The following AMOTL2 variants were observed in gnomAD, a reference collection of about 807,000 sequenced individuals.
The protein encoded by AMOTL2 is angiomotin like 2, also known as angiomotin-like protein 2.
Under a neutral mutation model 78.4 loss-of-function variants are expected in AMOTL2, and 33 were observed. The ratio of observed to expected loss-of-function variants is 0.42; its 90% confidence interval spans 0.32 to 0.56. AMOTL2 has a LOEUF of 0.56. AMOTL2 is among the 20% of genes least tolerant of loss of function. The probability of loss-of-function intolerance (pLI) is 0.12; values close to 1 mark genes in which losing one functional copy is unlikely to be tolerated. For missense variants in AMOTL2, 983 were observed against 1,030.1 expected, an observed-to-expected ratio of 0.95 and a Z score of 0.63; for synonymous variants, 422 against 428.8, an observed-to-expected ratio of 0.98 and a Z score of 0.20.
intron 5 of AMOTL2, among the ~76,000 whole-genome samples, chr3:134,364,157 C>T (rs2017499232): frequency 1.3e-5 from 2 of 152,120 alleles, no homozygotes; most frequent in Admixed American, 6.5e-5. Context: ...CTCACCCTCC[C>T]TCCTCCCAAA....
At chr3:134,363,439 C>A (rs2017460811) in intron 5 of AMOTL2, among the ~76,000 whole-genome samples, 1 of 152,242 alleles carries the variant, frequency 6.6e-6, no homozygotes, top group African/African-American at 2.4e-5. Context: ...CTCCCCTAGT[C>A]CACCTGTGCG....
chr3:134,371,410 C>T lies in AMOTL2; in HGVS notation c.24G>A (p.Ser8=), dbSNP rs772176756. The change falls in exon 2 of 10, where the codon TCG becomes TCA. Residue 8 remains serine (S), a synonymous_variant. Transcript: ENST00000249883. ...GGATGAGGCGGTGCAGGACTGTCCC[C>T]GAGGAGTCTTCCAGTGTCCTCATGC... MRTLEDS[S]GTVLHRLIQE... 6.2e-6 allele frequency: 10 copies of T among 1,604,616 alleles called. No individual in the cohort carries two copies. Among genetic ancestry groups the T allele is most frequent in the East Asian group, 4.5e-5 (2 of 44,870 alleles).
intron 2 of AMOTL2, 182 bp from the exon 3 acceptor site, chr3:134,367,985 G>C: frequency 1.8e-6 from 1 of 541,390 alleles, no homozygotes. Flanking sequence ...GCAGGGACCA[G>C]TAGGGAAGGC....
At chr3:134,358,422 C>A (rs2017169431) in intron 9 of AMOTL2, 118 bp downstream of exon 9, 2 of 1,261,128 alleles carry the variant, frequency 1.6e-6, no homozygotes, top group Non-Finnish European at 2.1e-6. Context: ...CACGGCTCCC[C>A]ATGGAGTGCG....
intron 4 of AMOTL2, 135 bp from the exon 5 acceptor site, chr3:134,366,044 A>G (rs1054910555): frequency 2.7e-6 from 3 of 1,094,070 alleles, no homozygotes; most frequent in African/African-American, 3.1e-5. Flanking sequence ...AGCTCAGCTC[A>G]GGGCCCCATG....
Position 134,371,456 on chromosome 3 carries a change from T to C in AMOTL2, c.-23A>G. 1.9e-6 allele frequency: 3 copies of C among 1,595,304 alleles called. No individual in the cohort carries two copies. Among genetic ancestry groups the C allele is most frequent in the Non-Finnish European group, 2.6e-6 (3 of 1,176,314 alleles). On this transcript the variant is annotated 5_prime_UTR_variant, in exon 2 of 10. Transcript: ENST00000249883. Reference sequence around the variant, plus strand: ...CATGCTTCTTTGGCTTGCACACAGCTGCCTGGACAATGGCCGGTGGCACCT... The same window carrying C: ...CATGCTTCTTTGGCTTGCACACAGCCGCCTGGACAATGGCCGGTGGCACCT...
At chr3:134,374,901 C>CTGTGTGTGTGTG (rs749884597), upstream of AMOTL2, 6 of 1,170,138 alleles carry the variant, frequency 5.1e-6, no homozygotes, top group African/African-American at 3.6e-5. Context: ...GGGACTCCGG[C>CTGTGTGTGTGTG]TGTGTGTGTG....
intron 2 of AMOTL2, among the ~76,000 whole-genome samples, chr3:134,370,043 TCAAACTCTAAGTCCCTAC>T (rs1441367389): frequency 3.3e-5 from 5 of 152,136 alleles, no homozygotes; most frequent in African/African-American, 4.8e-5. Context: ...ACACTCAGAA[TCAAACTCTAAGTCCCTAC>T]CATGGCCCAG....
At chr3:134,359,574 T>C (rs981126762) in intron 7 of AMOTL2, 71 bp from the exon 8 acceptor site, 58 of 1,334,818 alleles carry the variant, frequency 4.3e-5, no homozygotes, top group Non-Finnish European at 5.5e-5. Context: ...TCCTGCCTCA[T>C]AGGAGTTAGA....
At chr3:134,364,434 T>G (rs2017521524) in intron 5 of AMOTL2, among the ~76,000 whole-genome samples, 2 of 151,922 alleles carry the variant, frequency 1.3e-5, no homozygotes, top group South Asian at 4.2e-4. Flanking sequence ...AGAGTCAGGC[T>G]CCAGAAGTCC....
intron 1 of AMOTL2, chr3:134,373,648 C>T: frequency 1.0e-6 from 1 of 985,494 alleles, no homozygotes; most frequent in Non-Finnish European, 1.2e-6. Context: ...TCTGGCACCC[C>T]AGCCAGGGCT....
Position 134,364,366 on chromosome 3 carries a change from C to T in AMOTL2, c.1279+1451G>A, listed in dbSNP as rs566700261. Among the ~76,000 whole-genome samples, 6 of 152,202 alleles carry T rather than the reference C, an allele frequency of 3.9e-5. No homozygotes were observed. In the East Asian group the frequency reaches 7.8e-4, roughly 20 times the overall value. On this transcript the variant is annotated intron_variant, in intron 5 of 9. Transcript: ENST00000249883. ...CGGAAACGCCTCCCGGCCGGCCCCC[C>T]TCTTCTCACCCACTAGCAAGCTCCC...
rs2303635 is a variant in AMOTL2, at chr3:134,367,514, C to A, written c.1024G>T (p.Ala342Ser). The A allele has an allele frequency of 1.1e-5, 17 of 1,612,262 alleles. No individual in the cohort carries two copies. Among genetic ancestry groups the A allele is most frequent in the South Asian group, 2.2e-5 (2 of 90,966 alleles). The part of the protein sequence containing the change: ...QRELESSAEK[A>S]GRIEKLESEI... ...GGGCCTACCTTCTCAATGCGGCCAG[C>A]CTTCTCCGCAGAGCTCTCCAGCTCC... is the stretch of plus-strand genomic sequence containing the variant. Residue 342 changes from alanine to serine, a missense_variant, in exon 3 of 10, where the codon GCT becomes TCT. Ala to Ser is a moderately conservative substitution (Grantham distance 99). Coordinates refer to ENST00000249883, the MANE Select transcript of AMOTL2 (RefSeq NM_016201.4).
chr3:134,361,493 G>A lies in AMOTL2; in HGVS notation c.1575+19C>T, dbSNP rs1422669773. 2 of 1,587,456 alleles carry A rather than the reference G, an allele frequency of 1.3e-6. No individual in the cohort carries two copies. The highest frequency in any genetic ancestry group is 1.7e-6 in the Non-Finnish European group (2 of 1,164,980). ...ACATCCTCAGATGCTGCCCTAGCCT[G>A]GAGACTTTCTCAGCTCACCTGCTGT... On this transcript the variant is annotated intron_variant, in intron 6 of 9. Coordinates refer to ENST00000249883, the MANE Select transcript of AMOTL2 (RefSeq NM_016201.4).
At chr3:134,370,571 C>A in intron 2 of AMOTL2, 129 bp downstream of exon 2, 1 of 1,244,500 alleles carries the variant, frequency 8.0e-7, no homozygotes, top group Non-Finnish European at 1.1e-6. Context: ...TTAGCTCTCC[C>A]TTCTCAGGTT....
intron 1 of AMOTL2, chr3:134,373,731 G>T (rs1347008066): frequency 2.0e-6 from 2 of 985,326 alleles, no homozygotes; most frequent in Non-Finnish European, 2.4e-6. Flanking sequence ...AGCCGGTGAG[G>T]GTAGCCCGAG....
chr3:134,360,190 C>A lies in AMOTL2; in HGVS notation c.1799G>T (p.Arg600Leu). 6.2e-7 allele frequency: 1 copy of A among 1,614,044 alleles called. No homozygotes were observed. The highest frequency in any genetic ancestry group is 8.5e-7 in the Non-Finnish European group (1 of 1,179,964). ...GCTGGGTGAGGGCTGGGGGGAATGT[C>A]GGATGAGAGTGGTGTCACGCTGAGC... ...AAAQRDTTLIRHSPQPSPSSS... is the reference protein window; with the variant it reads ...AAAQRDTTLILHSPQPSPSSS... The change falls in exon 7 of 10, where the codon CGA becomes CTA. Residue 600 changes from arginine (R) to leucine (L), a missense_variant. Physicochemically the swap from Arg to Leu is moderately radical, Grantham distance 102. Transcript: ENST00000249883.
chr3:134,366,253 C>A, intron 4 of AMOTL2, 30 bp downstream of exon 4: 1 of 1,608,726 alleles, frequency 6.2e-7, no homozygotes, highest in Admixed American at 1.7e-5. Flanking sequence ...CAGAGGTTCT[C>A]CAACCTCCAC....
intron 2 of AMOTL2, among the ~76,000 whole-genome samples, chr3:134,368,089 A>G (rs2017690791): frequency 6.6e-6 from 1 of 152,168 alleles, no homozygotes. Flanking sequence ...CCCGCCTCAC[A>G]GTGGCTGGGG....
Sources: allele counts gnomAD v4.1 joint callset (sites outside exome capture counted in the v4.1 genomes callset), GRCh38; gene constraint gnomAD v4.1.1; transcripts MANE v1.5; gene names NCBI Gene and HGNC (gene_info 2026-07-23, HGNC 2026-07-21).